N4BP2L2: variants seen among roughly 807,000 people sequenced by gnomAD.
N4BP2L2 encodes the protein NEDD4 binding protein 2 like 2, also known as NEDD4-binding protein 2-like 2.
N4BP2L2 carries 50 observed loss-of-function variants against 56.2 expected under a neutral mutation model. The ratio of observed to expected loss-of-function variants is 0.89; its 90% CI spans 0.71 to 1.13. The LOEUF is 1.13. Among genes scored for constraint, N4BP2L2 ranks in the 50% most tolerant of loss-of-function variants. The pLI, the probability that N4BP2L2 is intolerant of heterozygous loss-of-function variation, is 0.00. For missense variants in N4BP2L2, 689 were observed against 693.8 expected (o/e 0.99, Z 0.08); for synonymous variants, 203 against 223.6 (o/e 0.91, Z 0.82).
At chr13:32,526,818 G>GTATTTTTTTTTTTT (rs2052999901) in intron 3 of N4BP2L2, 1 of 24,236 alleles carries the variant, frequency 4.1e-5, no homozygotes, top group Non-Finnish European at 7.9e-5. Flanking sequence ...CTTTTTGTCT[G>GTATTTTTTTTTTTT]TTTTTTTTTT....
chr13:32,464,608 T>C (rs1266888837), intron 6 of N4BP2L2, among the ~76,000 whole-genome samples: 3 of 152,348 alleles, frequency 2.0e-5, no homozygotes, highest in South Asian at 4.1e-4. Flanking sequence ...TGGAAACTTA[T>C]CCACTTTTTG....
At chr13:32,479,163 A>G (rs374887047) in intron 6 of N4BP2L2, among the ~76,000 whole-genome samples, 1 of 152,046 alleles carries the variant, frequency 6.6e-6, no homozygotes, top group Admixed American at 6.6e-5. Flanking sequence ...GAACGTTATG[A>G]TATTATTGAA....
At chr13:32,513,412 A>G (rs1203952082) in exon 6 of N4BP2L2, 3 of 152,190 alleles carry the variant, frequency 2.0e-5, no homozygotes, top group Non-Finnish European at 4.4e-5. Flanking sequence ...TTACCAGCCT[A>G]AGGACTGTGT....
intron 6 of N4BP2L2, chr13:32,444,142 A>C: frequency 6.8e-7 from 1 of 1,464,654 alleles, no homozygotes; most frequent in Non-Finnish European, 9.0e-7. Flanking sequence ...ATATTAAAGA[A>C]TTAAGAAAAT....
At chr13:32,490,619 T>TA (rs1172544544) in intron 6 of N4BP2L2, among the ~76,000 whole-genome samples, 1 of 152,222 alleles carries the variant, frequency 6.6e-6, no homozygotes, top group African/African-American at 2.4e-5. Flanking sequence ...CTATTGTTTT[T>TA]ATCTGAGTAT....
intron 2 of N4BP2L2, among the ~76,000 whole-genome samples, 183 bp downstream of exon 2, chr13:32,535,586 T>C (rs1395965751): frequency 6.6e-6 from 1 of 152,206 alleles, no homozygotes; most frequent in Non-Finnish European, 1.5e-5. Flanking sequence ...TTTCATTTTT[T>C]AGAGACAGGG....
At chr13:32,506,415 T>A (rs1593944428), downstream of N4BP2L2, 1 of 152,274 alleles carries the variant, frequency 6.6e-6, no homozygotes, top group Admixed American at 6.5e-5. Flanking sequence ...GGATGGATAA[T>A]TCATCCCATA....
intron 6 of N4BP2L2, among the ~76,000 whole-genome samples, chr13:32,484,457 G>T (rs1220142803): frequency 6.6e-6 from 1 of 152,044 alleles, no homozygotes; most frequent in African/African-American, 2.4e-5. Flanking sequence ...AAAGTCATTT[G>T]CTTCTTAAAA....
chr13:32,482,297 C>A (rs901495939), intron 6 of N4BP2L2, among the ~76,000 whole-genome samples: 1 of 152,144 alleles, frequency 6.6e-6, no homozygotes, highest in African/African-American at 2.4e-5. Context: ...TTTTAGCTGA[C>A]TGTATACAAT....
At chr13:32,435,395 G>C (rs948099310) in intron 9 of N4BP2L2, among the ~76,000 whole-genome samples, 4 of 152,082 alleles carry the variant, frequency 2.6e-5, no homozygotes, top group African/African-American at 9.7e-5. Flanking sequence ...CACCACACCT[G>C]GCTAATTTTT....
chr13:32,448,735 C>G (rs1019261564), intron 6 of N4BP2L2, among the ~76,000 whole-genome samples: 3 of 151,792 alleles, frequency 2.0e-5, no homozygotes, highest in Admixed American at 2.0e-4. Context: ...TAAGGGGGGG[C>G]CAGAAAAAAA....
intron 6 of N4BP2L2, among the ~76,000 whole-genome samples, chr13:32,502,991 G>A (rs1255975714): frequency 6.6e-6 from 1 of 151,864 alleles, no homozygotes; most frequent in African/African-American, 2.4e-5. Context: ...TAGCCAACAT[G>A]GAGAAACCCC....
chr13:32,452,844 T>C (rs1405834826), intron 6 of N4BP2L2, among the ~76,000 whole-genome samples: 2 of 152,182 alleles, frequency 1.3e-5, no homozygotes, highest in East Asian at 3.8e-4. Context: ...AAGACAAGAA[T>C]GCCTATTATC....
At chr13:32,524,538 T>C (rs1010553045) in intron 3 of N4BP2L2, 5 of 152,194 alleles carry the variant, frequency 3.3e-5, no homozygotes, top group Non-Finnish European at 7.3e-5. Flanking sequence ...AACTACACTT[T>C]GGAGATGTTT....
intron 6 of N4BP2L2, among the ~76,000 whole-genome samples, chr13:32,482,323 G>A (rs571441678): frequency 6.6e-6 from 1 of 152,092 alleles, no homozygotes; most frequent in South Asian, 2.1e-4. Flanking sequence ...GTTATAGTGG[G>A]GTTTACATAC....
intron 6 of N4BP2L2, among the ~76,000 whole-genome samples, chr13:32,500,911 C>G (rs1193130807): frequency 6.7e-6 from 1 of 149,828 alleles, no homozygotes; most frequent in Non-Finnish European, 1.5e-5. Context: ...CTCTGTTGCC[C>G]AGGCTAGAGT....
chr13:32,492,965 C>T, intron 6 of N4BP2L2, among the ~76,000 whole-genome samples: 1 of 145,330 alleles, frequency 6.9e-6, no homozygotes, highest in Non-Finnish European at 1.5e-5. Context: ...CTCTGTCGCC[C>T]AGGATGCAGT....
chr13:32,497,697 T>C (rs2089048829), intron 6 of N4BP2L2, among the ~76,000 whole-genome samples: 2 of 151,808 alleles, frequency 1.3e-5, no homozygotes, highest in South Asian at 2.1e-4. Flanking sequence ...TGCCTCTCAG[T>C]AGAATGAGCC....
At chr13:32,439,668 CT>C (rs1299867203) in intron 7 of N4BP2L2, among the ~76,000 whole-genome samples, 3 of 152,102 alleles carry the variant, frequency 2.0e-5, no homozygotes, top group Middle Eastern at 3.4e-3. Flanking sequence ...AAAGCATTTA[CT>C]TTGAAAAAAA....
Sources: gnomAD v4.1 joint callset for allele counts (sites outside exome capture counted in the v4.1 genomes callset) on GRCh38, gnomAD v4.1.1 for gene constraint, MANE v1.5 for transcripts, NCBI Gene and HGNC (gene_info 2026-07-23, HGNC 2026-07-21) for gene names.